SNTG2: variants seen among roughly 807,000 people sequenced by gnomAD.
The protein encoded by SNTG2 is gamma-2-syntrophin.
Under a neutral mutation model 70.9 loss-of-function variants are expected in SNTG2, and 74 were observed. The observed-to-expected ratio is 1.04, with a 90% CI of 0.86 to 1.27. The LOEUF is 1.27. Among genes scored for constraint, SNTG2 ranks in the 50% most tolerant of loss-of-function variants. The probability of loss-of-function intolerance (pLI) is 0.00; values close to 1 mark genes in which losing one functional copy is unlikely to be tolerated. For missense variants in SNTG2, 717 were observed against 690.7 expected, an observed-to-expected ratio of 1.04 and a Z score of -0.43; for synonymous variants, 278 against 273.8, an observed-to-expected ratio of 1.02 and a Z score of -0.15.
intron 1 of SNTG2, among the ~76,000 whole-genome samples, chr2:1,073,454 T>A (rs930405095): frequency 6.6e-6 from 1 of 152,254 alleles, no homozygotes; most frequent in Non-Finnish European, 1.5e-5. Flanking sequence ...AGTATTTTTT[T>A]AATTAAGGTA....
intron 1 of SNTG2, among the ~76,000 whole-genome samples, chr2:1,020,202 C>A (rs1483267082): frequency 1.3e-5 from 2 of 152,240 alleles, no homozygotes; most frequent in African/African-American, 4.8e-5. Context: ...TACGTGCATG[C>A]TCTTCCAGCC....
At chr2:1,301,673 G>A (rs1268340556) in intron 14 of SNTG2, among the ~76,000 whole-genome samples, 1 of 152,134 alleles carries the variant, frequency 6.6e-6, no homozygotes, top group Non-Finnish European at 1.5e-5. Flanking sequence ...GAGGCCAGAA[G>A]GGAGTGTCCC....
intron 1 of SNTG2, among the ~76,000 whole-genome samples, chr2:1,030,158 A>G (rs1237191072): frequency 6.6e-6 from 1 of 152,168 alleles, no homozygotes; most frequent in Middle Eastern, 3.4e-3. Flanking sequence ...CATTGCATGC[A>G]CTGGTTGTTG....
At chr2:1,288,103 G>A (rs1039599700) in intron 14 of SNTG2, among the ~76,000 whole-genome samples, 1 of 152,208 alleles carries the variant, frequency 6.6e-6, no homozygotes, top group African/African-American at 2.4e-5. Flanking sequence ...ATTTATGAGT[G>A]ATTGGTATTT....
intron 2 of SNTG2, among the ~76,000 whole-genome samples, chr2:1,093,640 G>A (rs2148198465): frequency 6.6e-6 from 1 of 152,370 alleles, no homozygotes; most frequent in South Asian, 2.1e-4. Flanking sequence ...ACACACTGAA[G>A]TCCTGGTGTT....
intron 16 of SNTG2, among the ~76,000 whole-genome samples, chr2:1,322,497 A>T (rs138782379): frequency 6.6e-6 from 1 of 152,326 alleles, no homozygotes; most frequent in Non-Finnish European, 1.5e-5. Context: ...TTAACTGTTT[A>T]AACCTGAGTT....
At chr2:1,035,199 T>G (rs540863669) in intron 1 of SNTG2, among the ~76,000 whole-genome samples, 29 of 152,344 alleles carry the variant, frequency 1.9e-4, no homozygotes, top group South Asian at 6.2e-4. Context: ...TTTATTTTAT[T>G]CAGTGCATTG....
chr2:1,251,114 A>G (rs1397858074), intron 12 of SNTG2, among the ~76,000 whole-genome samples: 1 of 152,196 alleles, frequency 6.6e-6, no homozygotes, highest in Non-Finnish European at 1.5e-5. Flanking sequence ...GAGCCTAGAG[A>G]GTAATTCTCA....
chr2:969,223 G>A (rs934762746), intron 1 of SNTG2, among the ~76,000 whole-genome samples: 1 of 152,112 alleles, frequency 6.6e-6, no homozygotes, highest in Non-Finnish European at 1.5e-5. Context: ...CCATTGGCCT[G>A]TGTTTGTTTT....
Position 985,467 on chromosome 2 carries a change from C to T in SNTG2, c.72+34399C>T, listed in dbSNP as rs940704801. ...GACCCTCAAATTAAGCTGAGGGGCC[C>T]TGCTAGGAATAAGAGGGCCTGCAGC... On this transcript the variant is annotated intron_variant, in intron 1 of 16. Transcript: ENST00000308624. Among the ~76,000 whole-genome samples the T allele has an allele frequency of 2.0e-5, 3 of 152,092 alleles. No homozygotes were observed. The South Asian group carries it at 6.2e-4, about 32-fold the overall frequency.
intron 1 of SNTG2, among the ~76,000 whole-genome samples, chr2:963,106 A>G (rs1660407138): frequency 6.6e-6 from 1 of 152,152 alleles, no homozygotes; most frequent in Non-Finnish European, 1.5e-5. Context: ...ATTCTTCATT[A>G]ATCATCAGAC....
intron 4 of SNTG2, among the ~76,000 whole-genome samples, chr2:1,125,628 A>T (rs930925036): frequency 6.6e-6 from 1 of 152,264 alleles, no homozygotes; most frequent in African/African-American, 2.4e-5. Context: ...TTAGATGGAC[A>T]TGCTACTTTT....
At chr2:956,474 G>A (rs115568750) in intron 1 of SNTG2, among the ~76,000 whole-genome samples, 3,282 of 152,314 alleles carry the variant, frequency 0.022, 123 homozygotes, top group African/African-American at 0.076. Flanking sequence ...GCCTGCCCTG[G>A]CCCAGGGCCT....
At chr2:1,227,233 T>G (rs946823750) in intron 9 of SNTG2, among the ~76,000 whole-genome samples, 1 of 152,252 alleles carries the variant, frequency 6.6e-6, no homozygotes, top group African/African-American at 2.4e-5. Flanking sequence ...CCAGTGATGA[T>G]GAAATAGCTC....
At chr2:1,099,199 A>G (rs999204623) in intron 4 of SNTG2, among the ~76,000 whole-genome samples, 1 of 152,124 alleles carries the variant, frequency 6.6e-6, no homozygotes, top group African/African-American at 2.4e-5. Context: ...CCTGCTCTCC[A>G]GAGCAAGGGG....
At chr2:1,113,771 A>G (rs1436189529) in intron 4 of SNTG2, among the ~76,000 whole-genome samples, 1 of 150,950 alleles carries the variant, frequency 6.6e-6, no homozygotes, top group African/African-American at 2.4e-5. Context: ...GTGAAATTTA[A>G]CACTTACAGT....
At chr2:1,351,289 T>C (rs946492761) in intron 16 of SNTG2, among the ~76,000 whole-genome samples, 1 of 152,108 alleles carries the variant, frequency 6.6e-6, no homozygotes, top group Non-Finnish European at 1.5e-5. Context: ...GCAAGACTGA[T>C]AGATTCAGAG....
chr2:962,999 A>G (rs1424916566), intron 1 of SNTG2, among the ~76,000 whole-genome samples: 1 of 152,192 alleles, frequency 6.6e-6, no homozygotes, highest in African/African-American at 2.4e-5. Context: ...TTGGCGTGGT[A>G]ACATGATTTC....
rs1678293137 is a variant in SNTG2 at position 1,259,362 on chromosome 2, T to G, written c.1006-8T>G. The G allele has an allele frequency of 6.2e-7, 1 of 1,613,656 alleles. No individual in the cohort carries two copies. Among genetic ancestry groups the G allele is most frequent in the Non-Finnish European group, 8.5e-7 (1 of 1,179,782 alleles). On this transcript the variant is annotated splice_region_variant and splice_polypyrimidine_tract_variant and intron_variant, in intron 12 of 16. Coordinates refer to ENST00000308624, the MANE Select transcript of SNTG2 (RefSeq NM_018968.4). ...TGCTTTTCATGGAACGTTCTCTGTT[T>G]CTTGCAGGTGAGCACATTCGATTGG... is the stretch of plus-strand genomic sequence containing the variant.
Sources: allele counts gnomAD v4.1 joint callset (sites outside exome capture counted in the v4.1 genomes callset), GRCh38; gene constraint gnomAD v4.1.1; transcripts MANE v1.5; gene names NCBI Gene and HGNC (gene_info 2026-07-23, HGNC 2026-07-21).